The following SLC3A2 variants were observed in gnomAD, a reference collection of about 807,000 sequenced individuals.
The protein encoded by SLC3A2 is solute carrier family 3 member 2.
Under a neutral mutation model 48.5 loss-of-function variants are expected in SLC3A2, and 32 were observed. The ratio of observed to expected loss-of-function variants is 0.66; its 90% CI spans 0.50 to 0.89. The LOEUF (loss-of-function observed/expected upper bound fraction) is 0.89, where lower values mean the gene tolerates loss of function less well. Among genes scored for constraint, SLC3A2 ranks in the 40% least tolerant of loss-of-function variants. The pLI, the probability that SLC3A2 is intolerant of heterozygous loss-of-function variation, is 0.00. For synonymous variants in SLC3A2, 277 were observed against 288.8 expected (o/e 0.96, Z 0.41); for missense variants, 587 against 680.7 (o/e 0.86, Z 1.53).
chr11:62,888,702 T>C lies in SLC3A2; in HGVS notation c.*9T>C, dbSNP rs1394552921. 1 of 1,577,236 alleles carries C rather than the reference T, an allele frequency of 6.3e-7. No individual in the cohort carries two copies. Among genetic ancestry groups the C allele is most frequent in the Non-Finnish European group, 8.6e-7 (1 of 1,165,700 alleles). ...TCCCCTACGCGGCCTGACTTCAGCCTGACATGGACCCACTACCCTTCTCCT... is the reference window on the plus strand; with the variant it reads ...TCCCCTACGCGGCCTGACTTCAGCCCGACATGGACCCACTACCCTTCTCCT... On this transcript the variant is annotated 3_prime_UTR_variant, in exon 9 of 9. Transcript: ENST00000338663.
Position 62,881,157 on chromosome 11 carries a change from T to C in SLC3A2, c.134T>C (p.Ile45Thr). 6.2e-7 allele frequency: 1 copy of C among 1,600,870 alleles called. No homozygotes were observed. Residue 45 changes from isoleucine (I) to threonine (T), a missense_variant, in exon 1 of 9, where the codon ATC becomes ACC. Physicochemically the swap from Ile to Thr is moderately conservative, Grantham distance 89. This residue lies in a region of SLC3A2 where 409 missense variants were observed against 446.7 expected (regional missense o/e 0.92). Transcript: ENST00000338663. The surrounding 1 kb of genome is among the most constrained non-coding windows in gnomAD (Gnocchi z 4.0). ...GCCGAGAAGAATGGTCTGGTGAAGATCAAGGTGGCGGAAGACGAGGCGGAG... is the reference window on the plus strand; with the variant it reads ...GCCGAGAAGAATGGTCTGGTGAAGACCAAGGTGGCGGAAGACGAGGCGGAG... ...AGAEKNGLVK[I>T]KVAEDEAEAA...
chr11:62,857,918 G>A (rs192570101), intron 1 of SLC3A2, among the ~76,000 whole-genome samples: 12 of 152,006 alleles, frequency 7.9e-5, no homozygotes, highest in Admixed American at 3.9e-4. Context: ...AGAAGGAAGT[G>A]TGTAGCTACA....
At chr11:62,857,659 G>GCACTC (rs2085350017) in intron 1 of SLC3A2, among the ~76,000 whole-genome samples, 1 of 127,352 alleles carries the variant, frequency 7.9e-6, no homozygotes, top group Non-Finnish European at 1.6e-5. Context: ...CCACTGCACT[G>GCACTC]CACTCCAGCC....
At chr11:62,884,552 A>G (rs765164919) in intron 4 of SLC3A2, 27 bp downstream of exon 4, 3 of 1,614,136 alleles carry the variant, frequency 1.9e-6, no homozygotes, top group Non-Finnish European at 2.5e-6. Flanking sequence ...CATTAGGGAC[A>G]AAGCTTGGGC....
intron 1 of SLC3A2, among the ~76,000 whole-genome samples, chr11:62,867,438 G>A (rs556792693): frequency 9.0e-5 from 13 of 144,450 alleles, no homozygotes; most frequent in African/African-American, 3.1e-4. Flanking sequence ...CTATTCTCCT[G>A]CTTCAGCCTC....
chr11:62,888,683 A>T lies in SLC3A2; in HGVS notation c.1580A>T (p.Tyr527Phe). The change falls in exon 9 of 9, where the codon TAC becomes TTC. Residue 527 changes from tyrosine to phenylalanine, a missense_variant. Physicochemically the swap from Tyr to Phe is conservative, Grantham distance 22 (BLOSUM62 3). This residue lies in a region of SLC3A2 where 169 missense variants were observed against 204.4 expected (regional missense o/e 0.83). Transcript: ENST00000338663. ...GAAGGGCTGCTGCTCCGCTTCCCCT[A>T]CGCGGCCTGACTTCAGCCTGACATG... Reference protein sequence around the residue: ...PHEGLLLRFPYAA With the variant: ...PHEGLLLRFPFAA The T allele has an allele frequency of 6.3e-7, 1 of 1,591,300 alleles. No individual in the cohort carries two copies. The highest frequency in any genetic ancestry group is 1.1e-5 in the South Asian group (1 of 90,450).
intron 1 of SLC3A2, chr11:62,870,824 T>G (rs2085504345): frequency 4.6e-6 from 1 of 219,092 alleles, no homozygotes; most frequent in Non-Finnish European, 8.9e-6. Context: ...CTTCCCAGAA[T>G]GCCGAGATGA....
rs749881749 is a variant in SLC3A2, at chr11:62,881,464, C to T, written c.424+17C>T. 5.1e-6 allele frequency: 8 copies of T among 1,559,700 alleles called. No individual in the cohort carries two copies. The South Asian group carries it at 8.2e-5, about 16-fold the overall frequency. On this transcript the variant is annotated intron_variant, in intron 1 of 8. Coordinates refer to ENST00000338663, the MANE Select transcript of SLC3A2 (RefSeq NM_001013251.3). The surrounding 1 kb of genome is among the most constrained non-coding windows in gnomAD (Gnocchi z 4.0). Reference sequence around the variant, plus strand: ...ACCTGGCGGGTGAGTGCAGCGCGCCCCCGTCCCGGGTACCTCCGGTTGAAT... The same window carrying T: ...ACCTGGCGGGTGAGTGCAGCGCGCCTCCGTCCCGGGTACCTCCGGTTGAAT...
intron 1 of SLC3A2, among the ~76,000 whole-genome samples, chr11:62,875,373 C>T (rs1279155505): frequency 2.6e-5 from 4 of 151,998 alleles, no homozygotes; most frequent in African/African-American, 7.2e-5. Flanking sequence ...GGTGAAACCC[C>T]GTCTCTACTA....
intron 7 of SLC3A2, among the ~76,000 whole-genome samples, chr11:62,887,343 C>T (rs1249451476): frequency 6.6e-6 from 1 of 152,028 alleles, no homozygotes; most frequent in African/African-American, 2.4e-5. Flanking sequence ...TCTGGGAGCT[C>T]TTGGCTGAGG....
rs769783391 is a variant in SLC3A2 at position 62,885,264 on chromosome 11, A to T, written c.906A>T (p.Ser302=). ...ACAAAGACTTGCTGTTGACTAGCTCATACCTGTCTGATTCTGGTTCTACTG... is the reference window on the plus strand; with the variant it reads ...ACAAAGACTTGCTGTTGACTAGCTCTTACCTGTCTGATTCTGGTTCTACTG... ...ESNKDLLLTS[S]YLSDSGSTGE... Residue 302 remains serine, a synonymous_variant, in exon 6 of 9, where the codon TCA becomes TCT. Coordinates refer to ENST00000338663, the MANE Select transcript of SLC3A2 (RefSeq NM_001013251.3). 12 of 1,613,730 alleles carry T rather than the reference A, an allele frequency of 7.4e-6. No homozygotes were observed. The Middle Eastern group carries it at 4.9e-4, about 66-fold the overall frequency.
At chr11:62,883,996 G>A in intron 3 of SLC3A2, 1 of 456,906 alleles carries the variant, frequency 2.2e-6, no homozygotes. Flanking sequence ...CAGGCCTCAG[G>A]AAACTGGGAG....
chr11:62,872,247 A>T (rs1416557816), intron 1 of SLC3A2, among the ~76,000 whole-genome samples: 1 of 152,108 alleles, frequency 6.6e-6, no homozygotes, highest in Admixed American at 6.6e-5. Flanking sequence ...TCATTAGCTG[A>T]GTGCAGTGGC....
At chr11:62,884,358 C>T (rs1025950308) in intron 3 of SLC3A2, 99 bp from the exon 4 acceptor site, 63 of 1,314,282 alleles carry the variant, frequency 4.8e-5, no homozygotes, top group Non-Finnish European at 5.0e-5. Context: ...CCCCAGCTCC[C>T]GGGGAAGTGT....
At chr11:62,884,126 C>G in intron 3 of SLC3A2, 1 of 505,902 alleles carries the variant, frequency 2.0e-6, no homozygotes, top group South Asian at 1.6e-5. Context: ...TGCTAACATT[C>G]CAATGCTAAG....
chr11:62,881,145 G>A lies in SLC3A2; in HGVS notation c.122G>A (p.Gly41Asp). ...TCCCTGGCGGGAGCCGAGAAGAATG[G>A]TCTGGTGAAGATCAAGGTGGCGGAA... is the stretch of plus-strand genomic sequence containing the variant. ...AMSLAGAEKN[G>D]LVKIKVAEDE... Residue 41 changes from glycine (G) to aspartate (D), a missense_variant, in exon 1 of 9, where the codon GGT (glycine) becomes GAT (aspartate). Physicochemically the swap from Gly to Asp is moderately conservative, Grantham distance 94. Around this residue, in one of 3 missense-constraint regions of SLC3A2, gnomAD observed 409 missense variants for 446.7 expected, o/e 0.92. Transcript: ENST00000338663. This position sits in a 1 kb window ranked among gnomAD's most constrained non-coding sequence, Gnocchi z 4.0. 1.2e-6 allele frequency: 2 copies of A among 1,603,022 alleles called. No homozygotes were observed. Among genetic ancestry groups the A allele is most frequent in the Non-Finnish European group, 1.7e-6 (2 of 1,176,234 alleles).
intron 1 of SLC3A2, among the ~76,000 whole-genome samples, chr11:62,868,476 C>T (rs1020065924): frequency 1.1e-4 from 16 of 151,586 alleles, no homozygotes; most frequent in African/African-American, 3.6e-4. Flanking sequence ...CGCCATTCTC[C>T]TGCCTCAGCC....
At chr11:62,882,319 T>G in intron 2 of SLC3A2, 1 of 438,088 alleles carries the variant, frequency 2.3e-6, no homozygotes. Flanking sequence ...TATAGATATT[T>G]ACTAAACCAG....
At chr11:62,888,021 C>T in intron 7 of SLC3A2, 114 bp from the exon 8 acceptor site, 1 of 901,082 alleles carries the variant, frequency 1.1e-6, no homozygotes, top group South Asian at 1.5e-5. Context: ...GTTTCAAATG[C>T]CTGGGCTCAA....
Sources: gnomAD v4.1 joint callset for allele counts (sites outside exome capture counted in the v4.1 genomes callset) on GRCh38, gnomAD v4.1.1 for gene constraint, gnomAD v4.1.1 regional missense constraint, Gnocchi (gnomAD v3.1) non-coding constraint, MANE v1.5 for transcripts, NCBI Gene and HGNC (gene_info 2026-07-23, HGNC 2026-07-21) for gene names.